Variants in PPM1L observed in about 807,000 individuals in gnomAD.
PPM1L encodes protein phosphatase, Mg2+/Mn2+ dependent 1L.
In PPM1L, 13 loss-of-function variants were observed where a neutral mutation model predicts 31.4. The observed-to-expected ratio is 0.41, with a 90% CI of 0.27 to 0.66. PPM1L has a LOEUF of 0.66. Among genes scored for constraint, PPM1L ranks in the 30% least tolerant of loss-of-function variants. PPM1L has a pLI of 0.29. For synonymous variants in PPM1L, 184 were observed against 175.4 expected (o/e 1.05, Z -0.39); for missense variants, 326 against 453.7 (o/e 0.72, Z 2.56).
chr3:160,831,989 G>A (rs1339856302), intron 1 of PPM1L, among the ~76,000 whole-genome samples: 1 of 152,142 alleles, frequency 6.6e-6, no homozygotes, highest in African/African-American at 2.4e-5. Flanking sequence ...TGTATTGACT[G>A]CAGTTTGGAA....
chr3:160,955,665 T>C (rs1715748093), intron 1 of PPM1L, among the ~76,000 whole-genome samples: 1 of 151,466 alleles, frequency 6.6e-6, no homozygotes, highest in South Asian at 2.1e-4. Context: ...TTTTTTTTTT[T>C]TTTTTGAGAC....
At chr3:161,013,888 C>T (rs1717981593) in intron 2 of PPM1L, among the ~76,000 whole-genome samples, 1 of 152,100 alleles carries the variant, frequency 6.6e-6, no homozygotes. Context: ...GATCTTCCTC[C>T]ATCCCTTTAT....
At chr3:160,799,844 A>G (rs1712373153) in intron 1 of PPM1L, among the ~76,000 whole-genome samples, 1 of 152,080 alleles carries the variant, frequency 6.6e-6, no homozygotes, top group Non-Finnish European at 1.5e-5. Flanking sequence ...CCAACACCTT[A>G]CTGTGCTGGG....
chr3:160,806,305 C>G (rs552139944), intron 1 of PPM1L, among the ~76,000 whole-genome samples: 44 of 152,246 alleles, frequency 2.9e-4, no homozygotes, highest in Non-Finnish European at 4.3e-4. Context: ...CCAGCCTGAT[C>G]ATAGTGCTTG....
At chr3:160,898,743 G>T (rs1030462530) in intron 1 of PPM1L, among the ~76,000 whole-genome samples, 7 of 152,184 alleles carry the variant, frequency 4.6e-5, no homozygotes, top group African/African-American at 1.7e-4. Flanking sequence ...GGGGCAATGT[G>T]TGAGTGACAA....
At chr3:160,890,914 C>T (rs1713116182) in intron 1 of PPM1L, among the ~76,000 whole-genome samples, 1 of 152,102 alleles carries the variant, frequency 6.6e-6, no homozygotes, top group African/African-American at 2.4e-5. Flanking sequence ...GGAAAACTGG[C>T]CAGCCATATG....
At chr3:161,027,736 G>A (rs1718447678) in intron 2 of PPM1L, among the ~76,000 whole-genome samples, 1 of 152,138 alleles carries the variant, frequency 6.6e-6, no homozygotes, top group Non-Finnish European at 1.5e-5. Context: ...CTGGAATGGG[G>A]CCCAGCAATC....
At chr3:160,950,752 A>G (rs1715553751) in intron 1 of PPM1L, among the ~76,000 whole-genome samples, 1 of 152,228 alleles carries the variant, frequency 6.6e-6, no homozygotes, top group Non-Finnish European at 1.5e-5. Context: ...CAGCTGCTCT[A>G]CTGTCATAGC....
chr3:160,968,388 T>C (rs1033668637), intron 2 of PPM1L, among the ~76,000 whole-genome samples: 4 of 152,172 alleles, frequency 2.6e-5, no homozygotes, highest in Non-Finnish European at 5.9e-5. Context: ...AATGGCATAA[T>C]TTGAGATGAA....
intron 1 of PPM1L, among the ~76,000 whole-genome samples, chr3:160,859,303 C>T (rs1270292949): frequency 1.3e-5 from 2 of 152,176 alleles, no homozygotes; most frequent in Non-Finnish European, 2.9e-5. Context: ...ATGTCACATG[C>T]AAATGATAGG....
At chr3:161,010,223 A>G (rs113858252) in intron 2 of PPM1L, among the ~76,000 whole-genome samples, 1,980 of 152,102 alleles carry the variant, frequency 0.013, 41 homozygotes, top group African/African-American at 0.045. Flanking sequence ...TCATTATTCA[A>G]TTCCCACCTA....
At chr3:160,776,574 T>C (rs1178950874) in intron 1 of PPM1L, among the ~76,000 whole-genome samples, 1 of 151,630 alleles carries the variant, frequency 6.6e-6, no homozygotes, top group Non-Finnish European at 1.5e-5. Context: ...CTTTCAGATA[T>C]ACTGCACTAC....
intron 3 of PPM1L, among the ~76,000 whole-genome samples, chr3:161,065,820 G>T (rs1226497397): frequency 3.3e-5 from 5 of 152,174 alleles, no homozygotes; most frequent in African/African-American, 1.2e-4. Flanking sequence ...TGGGCCCCGG[G>T]TTCTCACTTT....
At chr3:160,930,040 A>G (rs1188405495) in intron 1 of PPM1L, among the ~76,000 whole-genome samples, 2 of 152,160 alleles carry the variant, frequency 1.3e-5, no homozygotes, top group East Asian at 3.8e-4. Context: ...TACATGTGAG[A>G]AGGGGGACAC....
At chr3:160,766,968 A>G (rs1225632344) in intron 1 of PPM1L, among the ~76,000 whole-genome samples, 1 of 148,298 alleles carries the variant, frequency 6.7e-6, no homozygotes, top group Non-Finnish European at 1.5e-5. Context: ...ATTGCATACC[A>G]TAGTGCAAGA....
chr3:160,966,984 C>A (rs1716170471), intron 2 of PPM1L, among the ~76,000 whole-genome samples: 1 of 151,980 alleles, frequency 6.6e-6, no homozygotes, highest in Non-Finnish European at 1.5e-5. Flanking sequence ...GGCTGTGTCC[C>A]CACTCAAATC....
chr3:160,875,327 G>A (rs557308964), intron 1 of PPM1L, among the ~76,000 whole-genome samples: 1 of 152,222 alleles, frequency 6.6e-6, no homozygotes, highest in African/African-American at 2.4e-5. Flanking sequence ...GAGCTTTATT[G>A]CTGTTAGAAA....
At chr3:160,853,572 A>G (rs912781000) in intron 1 of PPM1L, among the ~76,000 whole-genome samples, 21 of 152,322 alleles carry the variant, frequency 1.4e-4, no homozygotes, top group African/African-American at 5.0e-4. Flanking sequence ...TCAACTATAA[A>G]AGTATAAAAA....
At chr3:160,941,849 G>C (rs150765760) in intron 1 of PPM1L, among the ~76,000 whole-genome samples, 87 of 152,228 alleles carry the variant, frequency 5.7e-4, no homozygotes, top group Middle Eastern at 3.4e-3. Flanking sequence ...TTAGCTCTAT[G>C]TGTTTATTAG....
Sources: allele counts gnomAD v4.1 joint callset (sites outside exome capture counted in the v4.1 genomes callset), GRCh38; gene constraint gnomAD v4.1.1; transcripts MANE v1.5; gene names NCBI Gene and HGNC (gene_info 2026-07-23, HGNC 2026-07-21).